DCLK1: variants seen among roughly 807,000 people sequenced by gnomAD.
The protein encoded by DCLK1 is doublecortin like kinase 1, also known as serine/threonine-protein kinase DCLK1.
Under a neutral mutation model 86.2 loss-of-function variants are expected in DCLK1, and 16 were observed. The ratio of observed to expected loss-of-function variants is 0.19; its 90% CI spans 0.13 to 0.28. DCLK1 has a LOEUF of 0.28. Among genes scored for constraint, DCLK1 ranks in the 10% least tolerant of loss-of-function variants. DCLK1 has a pLI of 1.00. For synonymous variants in DCLK1, 369 were observed against 370.5 expected, an observed-to-expected ratio of 1.00 and a Z score of 0.05; for missense variants, 590 against 940.2, an observed-to-expected ratio of 0.63 and a Z score of 4.87.
At chr13:35,977,066 C>T (rs1879386166) in intron 3 of DCLK1, among the ~76,000 whole-genome samples, 1 of 152,094 alleles carries the variant, frequency 6.6e-6, no homozygotes. Context: ...AAACTTGCAT[C>T]CACTCCAGAT....
At chr13:36,076,706 G>T (rs536054988) in intron 3 of DCLK1, among the ~76,000 whole-genome samples, 1 of 152,276 alleles carries the variant, frequency 6.6e-6, no homozygotes, top group East Asian at 1.9e-4. Flanking sequence ...CAGGGAAGAA[G>T]AGAAGTTCCG....
At chr13:35,811,695 G>T (rs904090765) in intron 11 of DCLK1, among the ~76,000 whole-genome samples, 1 of 152,006 alleles carries the variant, frequency 6.6e-6, no homozygotes, top group East Asian at 1.9e-4. Flanking sequence ...GTAGCTGGGC[G>T]TGGTGGCGGG....
intron 16 of DCLK1, among the ~76,000 whole-genome samples, chr13:35,775,703 C>T (rs970392134): frequency 6.6e-6 from 1 of 152,142 alleles, no homozygotes; most frequent in African/African-American, 2.4e-5. Flanking sequence ...GGAGGTTATT[C>T]TGCTTTTAAG....
intron 4 of DCLK1, among the ~76,000 whole-genome samples, chr13:35,915,763 T>A (rs979122399): frequency 3.3e-5 from 5 of 152,098 alleles, no homozygotes; most frequent in Non-Finnish European, 7.4e-5. Flanking sequence ...TAATTTTTTT[T>A]AAAAGGCTAA....
intron 4 of DCLK1, among the ~76,000 whole-genome samples, chr13:35,902,235 G>T (rs1166317509): frequency 2.0e-5 from 3 of 152,228 alleles, no homozygotes; most frequent in Non-Finnish European, 2.9e-5. Context: ...GGAGCCAAGG[G>T]TGAAACCCAG....
At chr13:36,003,216 C>T (rs962471868) in intron 3 of DCLK1, among the ~76,000 whole-genome samples, 3 of 152,124 alleles carry the variant, frequency 2.0e-5, no homozygotes, top group African/African-American at 7.2e-5. Context: ...TGGGACTAAA[C>T]CTTGGTCTCC....
At chr13:36,006,472 A>G (rs1020436606) in intron 3 of DCLK1, among the ~76,000 whole-genome samples, 1 of 152,240 alleles carries the variant, frequency 6.6e-6, no homozygotes, top group African/African-American at 2.4e-5. Flanking sequence ...ATTTGTATGT[A>G]TGTTTACATT....
chr13:35,863,561 T>C (rs1488548040), intron 5 of DCLK1, among the ~76,000 whole-genome samples: 1 of 152,168 alleles, frequency 6.6e-6, no homozygotes, highest in Admixed American at 6.5e-5. Flanking sequence ...GGATGAGCCT[T>C]ACATGCAGCC....
intron 3 of DCLK1, among the ~76,000 whole-genome samples, chr13:36,033,935 C>CATTTTGCAAACAAATATGAAGT: frequency 6.6e-6 from 1 of 152,240 alleles, no homozygotes; most frequent in African/African-American, 2.4e-5. Context: ...ATATATGAAG[C>CATTTTGCAAACAAATATGAAGT]ATTTTGCAAA....
chr13:36,070,906 A>C (rs560269943), intron 3 of DCLK1, among the ~76,000 whole-genome samples: 27 of 152,144 alleles, frequency 1.8e-4, no homozygotes, highest in African/African-American at 6.5e-4. Flanking sequence ...CAGCCTCCCA[A>C]AGCACTGGGA....
At chr13:35,820,669 A>G (rs1360609366) in intron 11 of DCLK1, among the ~76,000 whole-genome samples, 2 of 152,226 alleles carry the variant, frequency 1.3e-5, no homozygotes, top group African/African-American at 4.8e-5. Context: ...ACAAAGGCCC[A>G]GTTGTAAGTC....
chr13:35,993,116 CGCACTGTCATATGCATCT>C (rs1880311103), intron 3 of DCLK1, among the ~76,000 whole-genome samples: 1 of 152,116 alleles, frequency 6.6e-6, no homozygotes, highest in Non-Finnish European at 1.5e-5. Context: ...CAGCCTCCTA[CGCACTGTCATATGCATCT>C]GCTTCTGTGA....
intron 3 of DCLK1, among the ~76,000 whole-genome samples, chr13:36,085,446 T>C (rs1219032140): frequency 1.3e-5 from 2 of 152,192 alleles, no homozygotes; most frequent in East Asian, 1.9e-4. Flanking sequence ...CAAATTGCTT[T>C]AGTAGAGATA....
intron 3 of DCLK1, among the ~76,000 whole-genome samples, chr13:36,027,664 A>G (rs1478913377): frequency 6.6e-6 from 1 of 152,202 alleles, no homozygotes; most frequent in Admixed American, 6.5e-5. Context: ...GAATTTCTAT[A>G]TGTGAAGAAA....
At chr13:35,788,314 T>C (rs763456428) in intron 16 of DCLK1, 1 of 1,601,762 alleles carries the variant, frequency 6.2e-7, no homozygotes, top group South Asian at 1.1e-5. Flanking sequence ...GGCAACTCAG[T>C]GGATCAGCAT....
intron 4 of DCLK1, among the ~76,000 whole-genome samples, chr13:35,911,233 G>C (rs1037532329): frequency 5.3e-5 from 8 of 151,168 alleles, no homozygotes; most frequent in Non-Finnish European, 8.8e-5. Flanking sequence ...GGCAGAGCTT[G>C]CAGTGAGCAG....
At chr13:36,025,117 G>A (rs1347745495) in intron 3 of DCLK1, among the ~76,000 whole-genome samples, 3 of 152,010 alleles carry the variant, frequency 2.0e-5, no homozygotes, top group Non-Finnish European at 4.4e-5. Flanking sequence ...ACAGGCATGG[G>A]CCACTGTGCC....
intron 3 of DCLK1, among the ~76,000 whole-genome samples, chr13:36,068,867 G>A (rs1344532518): frequency 1.3e-5 from 2 of 152,150 alleles, no homozygotes; most frequent in African/African-American, 2.4e-5. Context: ...CACTGAACTG[G>A]TTTGGATGAG....
At chr13:35,855,229 C>A (rs946971924) in intron 5 of DCLK1, among the ~76,000 whole-genome samples, 1 of 152,142 alleles carries the variant, frequency 6.6e-6, no homozygotes, top group African/African-American at 2.4e-5. Context: ...GGAATTCTAC[C>A]CAGTTCTCAA....
Sources: gnomAD v4.1 joint callset for allele counts (sites outside exome capture counted in the v4.1 genomes callset) on GRCh38, gnomAD v4.1.1 for gene constraint, MANE v1.5 for transcripts, NCBI Gene and HGNC (gene_info 2026-07-23, HGNC 2026-07-21) for gene names.